WDR59: variants seen among roughly 807,000 people sequenced by gnomAD.
WDR59 encodes the protein WD repeat domain 59.
In WDR59, 100 loss-of-function variants were observed where a neutral mutation model predicts 131.2. That is an observed-to-expected ratio of 0.76 (90% CI 0.65 to 0.90). WDR59 has a LOEUF of 0.90. Ranked by LOEUF, WDR59 falls within the 40% of genes least tolerant of loss-of-function variation. The pLI, the probability that WDR59 is intolerant of heterozygous loss-of-function variation, is 0.00. For synonymous variants in WDR59, 601 were observed against 466.2 expected (o/e 1.29, Z -3.72); for missense variants, 1,203 against 1,262.2 (o/e 0.95, Z 0.71).
intron 4 of WDR59, 88 bp downstream of exon 4, chr16:74,951,370 C>A (rs1191175036): frequency 7.7e-7 from 1 of 1,296,166 alleles, no homozygotes; most frequent in East Asian, 2.5e-5. Context: ...ACAGTCAAGC[C>A]ATGCAAGGAG....
chr16:74,962,359 T>C (rs1055869561), intron 2 of WDR59, among the ~76,000 whole-genome samples: 7 of 152,288 alleles, frequency 4.6e-5, no homozygotes, highest in South Asian at 4.1e-4. Context: ...GCATTGAATC[T>C]ATAAATCACT....
intron 2 of WDR59, chr16:74,959,236 A>G (rs1047927615): frequency 1.5e-5 from 4 of 270,506 alleles, no homozygotes; most frequent in African/African-American, 9.3e-5. Flanking sequence ...TACTCTTCAG[A>G]TAGACTTCTC....
At chr16:74,879,632 C>T (rs1464490200) in intron 25 of WDR59, among the ~76,000 whole-genome samples, 1 of 151,932 alleles carries the variant, frequency 6.6e-6, no homozygotes, top group Non-Finnish European at 1.5e-5. Flanking sequence ...CCATCTCTAC[C>T]CTCAGTTTAA....
At chr16:74,917,210 T>C (rs192328389) in intron 11 of WDR59, among the ~76,000 whole-genome samples, 2 of 152,294 alleles carry the variant, frequency 1.3e-5, no homozygotes, top group East Asian at 3.9e-4. Context: ...AAGAAACAGA[T>C]ATCATTTATC....
At chr16:74,893,621 A>C (rs1184550846) in intron 19 of WDR59, 58 bp downstream of exon 19, 2 of 1,522,330 alleles carry the variant, frequency 1.3e-6, no homozygotes, top group South Asian at 1.3e-5. Context: ...AAAAAAAAAA[A>C]AGTTTTGCTA....
intron 20 of WDR59, among the ~76,000 whole-genome samples, chr16:74,891,724 A>T (rs1323131369): frequency 2.0e-5 from 3 of 152,244 alleles, no homozygotes; most frequent in Non-Finnish European, 4.4e-5. Context: ...GGAGTTCAAG[A>T]CTAGCCTGGC....
intron 2 of WDR59, among the ~76,000 whole-genome samples, chr16:74,958,614 A>AAAAAAAAAC (rs2033416528): frequency 7.0e-6 from 1 of 141,958 alleles, no homozygotes; most frequent in East Asian, 2.0e-4. Context: ...AAAAAAAAAA[A>AAAAAAAAAC]AAAAAACAAG....
chr16:74,904,971 C>T (rs916202012), intron 17 of WDR59, among the ~76,000 whole-genome samples: 1 of 152,210 alleles, frequency 6.6e-6, no homozygotes, highest in Non-Finnish European at 1.5e-5. Context: ...ACTTTGACCC[C>T]TTAACTCACA....
At chr16:74,876,360 ACT>A (rs1252443011) in intron 25 of WDR59, among the ~76,000 whole-genome samples, 1 of 151,864 alleles carries the variant, frequency 6.6e-6, no homozygotes, top group Non-Finnish European at 1.5e-5. Flanking sequence ...TTAGTTGAAA[ACT>A]CTCAAATTTT....
chr16:74,910,687 A>T (rs1012235615), intron 14 of WDR59, among the ~76,000 whole-genome samples: 1 of 152,122 alleles, frequency 6.6e-6, no homozygotes, highest in African/African-American at 2.4e-5. Flanking sequence ...AACACTTTAA[A>T]CCCATTTATG....
chr16:74,948,741 C>G, intron 5 of WDR59, among the ~76,000 whole-genome samples, 185 bp from the exon 6 acceptor site: 1 of 152,078 alleles, frequency 6.6e-6, no homozygotes, highest in Non-Finnish European at 1.5e-5. Flanking sequence ...GTGACTCATG[C>G]CTGTAATTCC....
intron 4 of WDR59, among the ~76,000 whole-genome samples, chr16:74,950,780 C>T (rs1567425257): frequency 6.6e-6 from 1 of 152,090 alleles, no homozygotes; most frequent in Non-Finnish European, 1.5e-5. Flanking sequence ...AGGGCCACTC[C>T]CTGACATCCA....
intron 1 of WDR59, among the ~76,000 whole-genome samples, chr16:74,980,836 TG>T (rs1198410449): frequency 6.6e-6 from 1 of 150,932 alleles, no homozygotes; most frequent in Non-Finnish European, 1.5e-5. Context: ...CCCGGTGTGG[TG>T]GGGCACGCCT....
At chr16:74,923,896 T>C (rs2030508192) in intron 9 of WDR59, 30 bp downstream of exon 9, 1 of 1,600,110 alleles carries the variant, frequency 6.2e-7, no homozygotes, top group Non-Finnish European at 8.5e-7. Context: ...AAAAGAAGTT[T>C]CTTATCAAGA....
chr16:74,927,201 T>A (rs1193953234), intron 8 of WDR59, among the ~76,000 whole-genome samples: 1 of 152,200 alleles, frequency 6.6e-6, no homozygotes, highest in Non-Finnish European at 1.5e-5. Context: ...AAAGTTTAGA[T>A]GGCATAACTG....
At chr16:74,981,248 C>T (rs1295940706) in intron 1 of WDR59, among the ~76,000 whole-genome samples, 1 of 151,214 alleles carries the variant, frequency 6.6e-6, no homozygotes, top group Non-Finnish European at 1.5e-5. Flanking sequence ...TGGTGGTGGG[C>T]GCCTGTAGTC....
chr16:74,971,598 G>T (rs1323674880), intron 1 of WDR59, among the ~76,000 whole-genome samples: 1 of 151,584 alleles, frequency 6.6e-6, no homozygotes, highest in Non-Finnish European at 1.5e-5. Context: ...GTGCCTGGCT[G>T]TTTTTTGTAT....
chr16:74,911,941 G>T (rs1371044847), intron 14 of WDR59: 1 of 548,454 alleles, frequency 1.8e-6, no homozygotes, highest in Non-Finnish European at 3.2e-6. Context: ...TCATTGTGCA[G>T]ATTTTTCTGA....
At chr16:74,967,124 G>A (rs557181397) in intron 1 of WDR59, among the ~76,000 whole-genome samples, 2 of 152,164 alleles carry the variant, frequency 1.3e-5, no homozygotes, top group Admixed American at 6.6e-5. Flanking sequence ...CCTCACCCTC[G>A]CTGGCCTTAT....
Sources: gnomAD v4.1 joint callset for allele counts (sites outside exome capture counted in the v4.1 genomes callset) on GRCh38, gnomAD v4.1.1 for gene constraint, MANE v1.5 for transcripts, NCBI Gene and HGNC (gene_info 2026-07-23, HGNC 2026-07-21) for gene names.